ATP9B: variants seen among roughly 807,000 people sequenced by gnomAD.
ATP9B encodes the protein probable phospholipid-transporting ATPase IIB.
A neutral mutation model predicts 146.1 loss-of-function variants in ATP9B; 110 were observed. The observed-to-expected ratio is 0.75, with a 90% CI of 0.65 to 0.88. The LOEUF (loss-of-function observed/expected upper bound fraction) is 0.88, where lower values mean the gene tolerates loss of function less well. Among genes scored for constraint, ATP9B ranks in the 40% least tolerant of loss-of-function variants. ATP9B has a pLI of 0.00. For synonymous variants in ATP9B, 604 were observed against 569.7 expected, an observed-to-expected ratio of 1.06 and a Z score of -0.86; for missense variants, 1,499 against 1,496.4, an observed-to-expected ratio of 1.00 and a Z score of -0.03.
At chr18:79,376,727 A>C (rs1198891302) in intron 29 of ATP9B, among the ~76,000 whole-genome samples, 3 of 113,308 alleles carry the variant, frequency 2.6e-5, no homozygotes, top group African/African-American at 3.5e-5. Flanking sequence ...ATGGAGTCTC[A>C]CTCTGTCCCC....
chr18:79,278,479 A>G (rs1198737813), intron 13 of ATP9B, among the ~76,000 whole-genome samples: 2 of 152,248 alleles, frequency 1.3e-5, no homozygotes. Flanking sequence ...CAGTTAAGGT[A>G]GACAGGGCTA....
intron 6 of ATP9B, among the ~76,000 whole-genome samples, chr18:79,148,961 C>T (rs1223895060): frequency 6.6e-6 from 1 of 152,138 alleles, no homozygotes; most frequent in Non-Finnish European, 1.5e-5. Flanking sequence ...AGTACTCTTA[C>T]AGTCATTGCT....
chr18:79,091,035 G>T (rs935449742), intron 1 of ATP9B, among the ~76,000 whole-genome samples: 21 of 152,248 alleles, frequency 1.4e-4, no homozygotes, highest in Non-Finnish European at 2.5e-4. Flanking sequence ...TTATTGAAAA[G>T]ACTGTCTTTT....
intron 17 of ATP9B, among the ~76,000 whole-genome samples, chr18:79,332,057 A>C (rs776775686): frequency 6.6e-6 from 1 of 152,278 alleles, no homozygotes; most frequent in Non-Finnish European, 1.5e-5. Context: ...GGATAAATCG[A>C]TTAACACATT....
At chr18:79,155,813 A>G (rs2094770180) in intron 7 of ATP9B, among the ~76,000 whole-genome samples, 1 of 116,730 alleles carries the variant, frequency 8.6e-6, no homozygotes, top group Non-Finnish European at 1.6e-5. Flanking sequence ...CCCAGGCTGG[A>G]GTGCAGTGGT....
chr18:79,287,886 T>C (rs1213376634), intron 13 of ATP9B, among the ~76,000 whole-genome samples: 9 of 150,040 alleles, frequency 6.0e-5, no homozygotes, highest in African/African-American at 2.2e-4. Context: ...CCAGTAGTCA[T>C]TCAGGAGCAG....
At chr18:79,101,290 C>T (rs2075265208) in intron 2 of ATP9B, among the ~76,000 whole-genome samples, 1 of 152,086 alleles carries the variant, frequency 6.6e-6, no homozygotes, top group Non-Finnish European at 1.5e-5. Context: ...AAGAATGTTA[C>T]ATAACTGAAA....
intron 11 of ATP9B, among the ~76,000 whole-genome samples, chr18:79,221,189 T>C (rs2095673010): frequency 6.6e-6 from 1 of 152,126 alleles, no homozygotes; most frequent in Non-Finnish European, 1.5e-5. Flanking sequence ...CAAGTCCCAG[T>C]GCTCCCTGTT....
chr18:79,211,486 G>A (rs1365654840), intron 10 of ATP9B, among the ~76,000 whole-genome samples: 1 of 152,156 alleles, frequency 6.6e-6, no homozygotes, highest in African/African-American at 2.4e-5. Flanking sequence ...AAGTCTCGAG[G>A]GCCCTAGTCA....
intron 5 of ATP9B, among the ~76,000 whole-genome samples, chr18:79,142,595 C>G (rs1228175934): frequency 6.6e-6 from 1 of 152,070 alleles, no homozygotes; most frequent in Non-Finnish European, 1.5e-5. Context: ...TCCTAATGCT[C>G]ATAGGAATTA....
Position 79,376,012 on chromosome 18 carries a change from TCTG to T in ATP9B, c.3307+587_3307+589del, listed in dbSNP as rs1034386635. 4 of 985,196 alleles carry T rather than the reference TCTG, an allele frequency of 4.1e-6. No homozygotes were observed. The African/African-American group carries it at 7.0e-5, about 17-fold the overall frequency. The allele number at this position is 985,196 out of a possible 1,614,324, so 61.0% of individuals were successfully genotyped here. On this transcript the variant is annotated intron_variant, in intron 29 of 29. Transcript: ENST00000426216. The stretch of plus-strand genomic sequence containing the variant: ...TTGGTCCTGGTGAGTAGATGGTTCT[TCTG>T]TGGAGATGCTGGGAGGGTGACAGGC...
At chr18:79,169,857 C>G (rs10468812) in intron 7 of ATP9B, among the ~76,000 whole-genome samples, 75,885 of 151,904 alleles carry the variant, frequency 0.5, 21,329 homozygotes, top group African/African-American at 0.76. Flanking sequence ...ACATGGCTGT[C>G]ACCTCTAAGC....
chr18:79,212,010 T>C lies in ATP9B; in HGVS notation c.1031-1952T>C, dbSNP rs146365957. ...ACGACACAAAATGAGTTTATCATAC[T>C]TTGTTGCCCTCTCATGTCTCATTTC... On this transcript the variant is annotated intron_variant, in intron 10 of 29. Coordinates refer to ENST00000426216, the MANE Select transcript of ATP9B (RefSeq NM_198531.5). 6.8e-4 allele frequency among the ~76,000 whole-genome samples: 103 copies of C among 152,360 alleles called. 2 individuals carry two copies. In the East Asian group the frequency reaches 0.012, roughly 18 times the overall value.
rs992263897 is a variant in ATP9B, at chr18:79,078,836, G to A, written c.119+9307G>A. Reference sequence around the variant, plus strand: ...AGCCCCCCACACCCCGACAGGCCCCGGTGTGTGTTGTTCCCCTCCCTGTGT... The same window carrying A: ...AGCCCCCCACACCCCGACAGGCCCCAGTGTGTGTTGTTCCCCTCCCTGTGT... On this transcript the variant is annotated intron_variant, in intron 1 of 29. Coordinates refer to ENST00000426216, the MANE Select transcript of ATP9B (RefSeq NM_198531.5). 6.6e-5 allele frequency among the ~76,000 whole-genome samples: 10 copies of A among 151,930 alleles called. No individual in the cohort carries two copies. The East Asian group carries it at 7.7e-4, about 12-fold the overall frequency.
chr18:79,317,484 A>T (rs1405071665), intron 15 of ATP9B, among the ~76,000 whole-genome samples: 3 of 152,254 alleles, frequency 2.0e-5, no homozygotes, highest in Non-Finnish European at 1.5e-5. Context: ...AAACATTGGC[A>T]AAAGATTTGA....
chr18:79,328,449 C>T (rs1026795143), intron 15 of ATP9B, among the ~76,000 whole-genome samples: 5 of 152,094 alleles, frequency 3.3e-5, no homozygotes, highest in African/African-American at 1.2e-4. Context: ...TTCTGAGTAC[C>T]TGCCATATGC....
intron 7 of ATP9B, among the ~76,000 whole-genome samples, chr18:79,170,078 T>C (rs1314813034): frequency 1.3e-5 from 2 of 152,226 alleles, no homozygotes; most frequent in African/African-American, 4.8e-5. Flanking sequence ...GAGCTCAGAC[T>C]GTCTCTTGCT....
In ATP9B at chr18:79,332,387, A is replaced by C. The variant is rs186328080; in HGVS notation, c.2028+2283A>C. Among the ~76,000 whole-genome samples, 1,034 of 152,288 alleles carry C rather than the reference A, an allele frequency of 6.8e-3. 13 individuals are homozygous for C. The highest frequency in any genetic ancestry group is 0.024 in the African/African-American group (988 of 41,568). ...GAGCTTGCAGTGAGCCAAGATCGCG[A>C]CACTGCACTCCAGCCTGGGCGACAG... On this transcript the variant is annotated intron_variant, in intron 17 of 29. Coordinates refer to ENST00000426216, the MANE Select transcript of ATP9B (RefSeq NM_198531.5).
At chr18:79,370,267 C>T (rs2097061176) in intron 26 of ATP9B, among the ~76,000 whole-genome samples, 2 of 152,124 alleles carry the variant, frequency 1.3e-5, no homozygotes, top group South Asian at 4.1e-4. Flanking sequence ...TTTCATGGCT[C>T]ATTTTATTTC....
Sources: gnomAD v4.1 joint callset for allele counts (sites outside exome capture counted in the v4.1 genomes callset) on GRCh38, gnomAD v4.1.1 for gene constraint, MANE v1.5 for transcripts, NCBI Gene and HGNC (gene_info 2026-07-23, HGNC 2026-07-21) for gene names.